Variants in CHN2 observed in about 807,000 individuals in gnomAD.
CHN2 encodes the protein chimerin 2, also known as beta-chimaerin.
A neutral mutation model predicts 56.3 loss-of-function variants in CHN2; 35 were observed. The observed-to-expected ratio is 0.62, with a 90% CI of 0.47 to 0.82. The LOEUF (loss-of-function observed/expected upper bound fraction) is 0.82, where lower values mean the gene tolerates loss of function less well. Among genes scored for constraint, CHN2 ranks in the 40% least tolerant of loss-of-function variants. CHN2 has a pLI of 0.00. For missense variants in CHN2, 491 were observed against 580.5 expected (o/e 0.85, Z 1.58); for synonymous variants, 210 against 212.8 (o/e 0.99, Z 0.12).
intron 8 of CHN2, among the ~76,000 whole-genome samples, chr7:29,498,944 A>G (rs6950171): frequency 0.18 from 27,501 of 151,834 alleles, 2,645 homozygotes; most frequent in East Asian, 0.27. Context: ...TATTTTTAGT[A>G]GAGACAGGGT....
chr7:29,297,866 G>A (rs1375956639), intron 1 of CHN2, among the ~76,000 whole-genome samples: 2 of 152,166 alleles, frequency 1.3e-5, no homozygotes, highest in Non-Finnish European at 2.9e-5. Flanking sequence ...AAAAGAAGGC[G>A]TTTTTTAAAG....
At chr7:29,354,801 A>G (rs1390330707) in intron 2 of CHN2, 138 bp downstream of exon 2, 4 of 736,236 alleles carry the variant, frequency 5.4e-6, no homozygotes, top group Non-Finnish European at 9.2e-6. Context: ...TCCACTGAGG[A>G]AAAAGATTAG....
chr7:29,508,958 A>C (rs1273423965), intron 11 of CHN2, among the ~76,000 whole-genome samples: 2 of 152,062 alleles, frequency 1.3e-5, no homozygotes, highest in East Asian at 1.9e-4. Flanking sequence ...TGTGAGAGGG[A>C]TATTTCTAGC....
At chr7:29,306,902 C>T (rs17686617) in intron 1 of CHN2, among the ~76,000 whole-genome samples, 34,333 of 152,158 alleles carry the variant, frequency 0.23, 4,742 homozygotes, top group Non-Finnish European at 0.31. Flanking sequence ...TGTTTCCATC[C>T]AGTGGTGTGA....
intron 1 of CHN2, among the ~76,000 whole-genome samples, chr7:29,291,196 C>T (rs1230036097): frequency 2.0e-5 from 3 of 152,136 alleles, no homozygotes; most frequent in Non-Finnish European, 4.4e-5. Flanking sequence ...CCTCTTAGTG[C>T]GCATGCTTGG....
At chr7:29,227,530 C>A (rs1189771089) in intron 1 of CHN2, among the ~76,000 whole-genome samples, 1 of 152,188 alleles carries the variant, frequency 6.6e-6, no homozygotes, top group African/African-American at 2.4e-5. Context: ...CGCCCAGAAC[C>A]TCAGGGATTG....
rs79316709 is a variant in CHN2, at chr7:29,231,448, G to A, written c.49+36458G>A. Among the ~76,000 whole-genome samples the A allele has an allele frequency of 3.7e-3, 558 of 152,214 alleles. 3 individuals are homozygous for A. The highest frequency in any genetic ancestry group is 0.013 in the African/African-American group (534 of 41,516). ...TACGTATCTGTCTTTACCGCATTAC[G>A]CATAGGCAGCCCATCCCCACCTTGT... is the stretch of plus-strand genomic sequence containing the variant. On this transcript the variant is annotated intron_variant, in intron 1 of 12. Transcript: ENST00000222792.
intron 2 of CHN2, among the ~76,000 whole-genome samples, chr7:29,363,671 G>A (rs1242754025): frequency 6.6e-6 from 1 of 152,176 alleles, no homozygotes; most frequent in Admixed American, 6.5e-5. Flanking sequence ...TAATGATGAT[G>A]AGTGCTGTGA....
At chr7:29,216,823 T>G (rs1241610962) in intron 1 of CHN2, among the ~76,000 whole-genome samples, 1 of 152,250 alleles carries the variant, frequency 6.6e-6, no homozygotes, top group South Asian at 2.1e-4. Flanking sequence ...CGGCTATACT[T>G]ATGAAATGCG....
chr7:29,499,638 G>A (rs1789718689), intron 8 of CHN2, among the ~76,000 whole-genome samples: 1 of 152,112 alleles, frequency 6.6e-6, no homozygotes, highest in Non-Finnish European at 1.5e-5. Flanking sequence ...CTGTTCTTAA[G>A]GTCCAGCGAC....
At chr7:29,387,623 C>T (rs993387889) in intron 3 of CHN2, among the ~76,000 whole-genome samples, 1 of 152,204 alleles carries the variant, frequency 6.6e-6, no homozygotes, top group African/African-American at 2.4e-5. Context: ...CTGCTGGCCC[C>T]GTGATCACAC....
chr7:29,359,920 C>T (rs1190948027), intron 2 of CHN2, among the ~76,000 whole-genome samples: 1 of 152,164 alleles, frequency 6.6e-6, no homozygotes, highest in African/African-American at 2.4e-5. Flanking sequence ...CTGGAGGCTC[C>T]CCTGGGCAGC....
chr7:29,430,885 C>T (rs1294080120), intron 6 of CHN2, among the ~76,000 whole-genome samples: 4 of 152,066 alleles, frequency 2.6e-5, no homozygotes, highest in Non-Finnish European at 5.9e-5. Flanking sequence ...CCTCACTGAC[C>T]CCTGCTCTGT....
intron 1 of CHN2, 43 bp downstream of exon 1, chr7:29,195,033 G>T (rs547827658): frequency 3.3e-4 from 523 of 1,564,974 alleles, no homozygotes; most frequent in Non-Finnish European, 4.3e-4. Context: ...GCCGGGTCTC[G>T]CCCCACTGCC....
chr7:29,428,251 C>T (rs573878009), intron 6 of CHN2, among the ~76,000 whole-genome samples: 9 of 152,180 alleles, frequency 5.9e-5, no homozygotes, highest in Admixed American at 2.0e-4. Flanking sequence ...CACAGGGTTA[C>T]CACCACATGA....
intron 2 of CHN2, chr7:29,147,165 G>A: frequency 1.5e-6 from 1 of 680,110 alleles, no homozygotes; most frequent in Non-Finnish European, 2.4e-6. Flanking sequence ...CCAGGTGCTG[G>A]GCATCGAGCC....
chr7:29,285,875 G>A (rs1792101412), intron 1 of CHN2, among the ~76,000 whole-genome samples: 2 of 152,174 alleles, frequency 1.3e-5, no homozygotes, highest in African/African-American at 4.8e-5. Context: ...ACAGGGCTGA[G>A]GTCAGAGCCC....
chr7:29,472,420 C>T (rs117543540), intron 6 of CHN2, among the ~76,000 whole-genome samples: 2,628 of 152,116 alleles, frequency 0.017, 42 homozygotes, highest in Non-Finnish European at 0.031. Flanking sequence ...GTGTAGATTT[C>T]CCACACCATC....
chr7:29,452,965 C>G (rs1784506937), intron 6 of CHN2, among the ~76,000 whole-genome samples: 1 of 152,236 alleles, frequency 6.6e-6, no homozygotes, highest in South Asian at 2.1e-4. Flanking sequence ...ATAAAACTGT[C>G]TCTTTCACAT....
Sources: gnomAD v4.1 joint callset for allele counts (sites outside exome capture counted in the v4.1 genomes callset) on GRCh38, gnomAD v4.1.1 for gene constraint, MANE v1.5 for transcripts, NCBI Gene and HGNC (gene_info 2026-07-23, HGNC 2026-07-21) for gene names.